FERMT2: variants seen among roughly 807,000 people sequenced by gnomAD.
FERMT2 encodes FERM domain containing kindlin 2.
FERMT2 carries 15 observed loss-of-function variants against 82.7 expected under a neutral mutation model. That is an observed-to-expected ratio of 0.18 (90% CI 0.12 to 0.28). The LOEUF is 0.28. Among genes scored for constraint, FERMT2 ranks in the 10% least tolerant of loss-of-function variants. The pLI is 1.00. For missense variants in FERMT2, 645 were observed against 809.4 expected, an observed-to-expected ratio of 0.80 and a Z score of 2.46; for synonymous variants, 274 against 271.5, an observed-to-expected ratio of 1.01 and a Z score of -0.09.
At position 52,951,015 on chromosome 14, in the gene FERMT2, G is replaced by C. The variant is rs1253955483; in HGVS notation, c.-104C>G. 6.5e-6 allele frequency: 1 copy of C among 152,734 alleles called. No individual in the cohort carries two copies. The highest frequency in any genetic ancestry group is 1.5e-5 in the Non-Finnish European group (1 of 68,714). The allele number at this position is 152,734 out of a possible 1,614,324, so 9.5% of individuals were successfully genotyped here. A position where few individuals can be genotyped will look rare whatever the true frequency, so the allele number is the denominator to read the frequency against. ...GGCGGTGTCCGCGTCCGGTTCCTCG[G>C]CTGGCGAAGCGCTGCCTGTGGCCGG... On this transcript the variant is annotated 5_prime_UTR_variant, in exon 1 of 15. Transcript: ENST00000341590.
chr14:52,865,477 CCTTT>C (rs1186437675), intron 10 of FERMT2, among the ~76,000 whole-genome samples: 1 of 152,046 alleles, frequency 6.6e-6, no homozygotes, highest in Admixed American at 6.6e-5. Flanking sequence ...GGGTTGCAGA[CCTTT>C]CTTTGTCACT....
rs140164797 is a variant in FERMT2, at chr14:52,920,345, A to T, written c.158-989T>A. 8.5e-5 allele frequency among the ~76,000 whole-genome samples: 13 copies of T among 152,346 alleles called. No homozygotes were observed. In the East Asian group the frequency reaches 2.5e-3, roughly 29 times the overall value. On this transcript the variant is annotated intron_variant, in intron 2 of 14. Transcript: ENST00000341590. Reference sequence around the variant, plus strand: ...AACAAAACAAAACACACACAAAAAGAACAGGCCCAGCGTGGTGGCTCATGC... The same window carrying T: ...AACAAAACAAAACACACACAAAAAGTACAGGCCCAGCGTGGTGGCTCATGC...
chr14:52,903,491 T>C (rs951463417), intron 3 of FERMT2, among the ~76,000 whole-genome samples: 2 of 152,128 alleles, frequency 1.3e-5, no homozygotes, highest in African/African-American at 2.4e-5. Flanking sequence ...TGAGCTGTGA[T>C]TGTGTCACTG....
At chr14:52,879,306 C>A (rs193246075) in intron 6 of FERMT2, among the ~76,000 whole-genome samples, 1 of 152,268 alleles carries the variant, frequency 6.6e-6, no homozygotes, top group East Asian at 1.9e-4. Context: ...AAGAATACTG[C>A]AGATTGAGTA....
At chr14:52,893,220 C>T in intron 4 of FERMT2, 73 bp downstream of exon 4, 3 of 1,360,978 alleles carry the variant, frequency 2.2e-6, no homozygotes, top group East Asian at 2.6e-5. Flanking sequence ...GATCCATTTA[C>T]CCACCACCAG....
intron 2 of FERMT2, among the ~76,000 whole-genome samples, chr14:52,939,372 T>C (rs1468661386): frequency 1.3e-5 from 1 of 74,786 alleles, no homozygotes; most frequent in African/African-American, 4.4e-5. Flanking sequence ...GACTACGGTC[T>C]CAAAAAAAAA....
At chr14:52,928,653 C>T (rs377735012) in intron 2 of FERMT2, among the ~76,000 whole-genome samples, 1 of 152,140 alleles carries the variant, frequency 6.6e-6, no homozygotes, top group Non-Finnish European at 1.5e-5. Context: ...CTTGGGGAAA[C>T]CTACTATTTT....
chr14:52,935,673 G>T (rs566110310), intron 2 of FERMT2, among the ~76,000 whole-genome samples: 1 of 152,144 alleles, frequency 6.6e-6, no homozygotes, highest in African/African-American at 2.4e-5. Context: ...AGCCACCCAG[G>T]ATATGTTATT....
At chr14:52,927,027 C>T (rs1303108646) in intron 2 of FERMT2, among the ~76,000 whole-genome samples, 1 of 152,184 alleles carries the variant, frequency 6.6e-6, no homozygotes, top group Non-Finnish European at 1.5e-5. Context: ...CACTCAAACT[C>T]CTATCATTAA....
chr14:52,865,743 A>T (rs1484817156), intron 10 of FERMT2, among the ~76,000 whole-genome samples: 4 of 152,156 alleles, frequency 2.6e-5, no homozygotes, highest in Non-Finnish European at 2.9e-5. Context: ...AGAATATAAG[A>T]TCATACACAC....
At chr14:52,906,193 A>G (rs935487823) in intron 3 of FERMT2, among the ~76,000 whole-genome samples, 4 of 152,142 alleles carry the variant, frequency 2.6e-5, no homozygotes, top group African/African-American at 9.7e-5. Context: ...GGCAGGGGAC[A>G]GGAGAGAAGG....
chr14:52,860,345 C>A lies in FERMT2; in HGVS notation c.1723G>T (p.Ala575Ser). The change falls in exon 13 of 15, where the codon GCA (alanine) becomes TCA (serine). Residue 575 changes from alanine (A) to serine (S), a missense_variant. Ala to Ser is a moderately conservative substitution (Grantham distance 99). Coordinates refer to ENST00000341590, the MANE Select transcript of FERMT2 (RefSeq NM_006832.3). ...LPEFGITHFI[A>S]RFQGGKKEEL... is the part of the protein sequence containing the mutation. ...TAGATGCTTAGAACCACTGACCTTG[C>A]AATGAAGTGAGTGATGCCAAATTCA... 6.2e-7 allele frequency: 1 copy of A among 1,613,690 alleles called. No homozygotes were observed. The highest frequency in any genetic ancestry group is 8.5e-7 in the Non-Finnish European group (1 of 1,179,882).
intron 2 of FERMT2, chr14:52,928,041 A>C: frequency 2.6e-6 from 1 of 384,072 alleles, no homozygotes; most frequent in Non-Finnish European, 5.3e-6. Flanking sequence ...TTAAGTAACC[A>C]CATCTTAAAA....
At chr14:52,924,871 G>A (rs1233153243) in intron 2 of FERMT2, among the ~76,000 whole-genome samples, 2 of 152,286 alleles carry the variant, frequency 1.3e-5, no homozygotes, top group East Asian at 3.9e-4. Context: ...AAAAGTGGCT[G>A]AAATGATTTC....
chr14:52,935,498 C>T lies in FERMT2; in HGVS notation c.157+14914G>A, dbSNP rs1224749514. ...GAGTGCTTCTGGTGGAACTGGTATCCTTAGAAGAAGAGACAGAAGACAGCT... is the reference window on the plus strand; with the variant it reads ...GAGTGCTTCTGGTGGAACTGGTATCTTTAGAAGAAGAGACAGAAGACAGCT... On this transcript the variant is annotated intron_variant, in intron 2 of 14. Transcript: ENST00000341590. Among the ~76,000 whole-genome samples the T allele has an allele frequency of 2.0e-5, 3 of 152,070 alleles. No individual in the cohort carries two copies. The East Asian group carries it at 5.8e-4, about 29-fold the overall frequency.
chr14:52,859,228 G>A (rs1476256574), intron 14 of FERMT2: 1 of 177,956 alleles, frequency 5.6e-6, no homozygotes, highest in East Asian at 1.5e-4. Flanking sequence ...AGGCTGTGAT[G>A]AGGTTTAGAG....
chr14:52,919,386 T>TTAAAAATCAC, intron 2 of FERMT2, 30 bp from the exon 3 acceptor site: 1 of 1,486,718 alleles, frequency 6.7e-7, no homozygotes, highest in Non-Finnish European at 9.2e-7. Context: ...AACAAATCAC[T>TTAAAAATCAC]TAAAAATCAC....
At chr14:52,949,656 T>C (rs76912447) in intron 2 of FERMT2, among the ~76,000 whole-genome samples, 2,149 of 152,330 alleles carry the variant, frequency 0.014, 54 homozygotes, top group African/African-American at 0.049. Flanking sequence ...ACACACTTCA[T>C]ACTGTAAGAT....
chr14:52,881,581 A>G, intron 4 of FERMT2, 112 bp from the exon 5 acceptor site: 2 of 930,814 alleles, frequency 2.1e-6, no homozygotes, highest in Non-Finnish European at 3.2e-6. Flanking sequence ...TTTTATTCTG[A>G]AAGGAAAGCT....
Sources: allele counts gnomAD v4.1 joint callset (sites outside exome capture counted in the v4.1 genomes callset), GRCh38; gene constraint gnomAD v4.1.1; transcripts MANE v1.5; gene names NCBI Gene and HGNC (gene_info 2026-07-23, HGNC 2026-07-21).